The following PTPRM variants were observed in gnomAD, a reference collection of about 807,000 sequenced individuals.
The protein encoded by PTPRM is receptor-type tyrosine-protein phosphatase mu.
PTPRM carries 47 observed loss-of-function variants against 186.7 expected under a neutral mutation model. The ratio of observed to expected loss-of-function variants is 0.25; its 90% CI spans 0.20 to 0.32. The LOEUF (loss-of-function observed/expected upper bound fraction) is 0.32, where lower values mean the gene tolerates loss of function less well. PTPRM is among the 10% of genes least tolerant of loss of function. The probability of loss-of-function intolerance (pLI) is 1.00; values close to 1 mark genes in which losing one functional copy is unlikely to be tolerated. For missense variants in PTPRM, 1,494 were observed against 1,865.0 expected, an observed-to-expected ratio of 0.80 and a Z score of 3.66; for synonymous variants, 668 against 674.9, an observed-to-expected ratio of 0.99 and a Z score of 0.16.
intron 1 of PTPRM, among the ~76,000 whole-genome samples, chr18:7,588,235 T>C (rs150729930): frequency 6.6e-6 from 1 of 152,304 alleles, no homozygotes; most frequent in East Asian, 1.9e-4. Context: ...ACAGTAATTA[T>C]ATATATACTT....
intron 3 of PTPRM, among the ~76,000 whole-genome samples, chr18:7,900,746 G>C: frequency 6.6e-6 from 1 of 152,174 alleles, no homozygotes; most frequent in East Asian, 1.9e-4. Context: ...TCTTATCCCT[G>C]AAAGGGAGCT....
In PTPRM at chr18:7,887,393, C is replaced by T. The variant is rs369379725; in HGVS notation, c.197-713C>T. Among the ~76,000 whole-genome samples the T allele has an allele frequency of 1.7e-3, 261 of 152,242 alleles. 2 individuals carry two copies. The highest frequency in any genetic ancestry group is 6.0e-3 in the African/African-American group (251 of 41,540). ...TAGAATGATCGTCCTTCAGTTGGGA[C>T]AATGATTGCCTAAGTCATCACCTTG... On this transcript the variant is annotated intron_variant, in intron 2 of 32. Coordinates refer to ENST00000580170, the MANE Select transcript of PTPRM (RefSeq NM_001105244.2).
At chr18:7,878,141 T>G (rs371463435) in intron 2 of PTPRM, among the ~76,000 whole-genome samples, 3 of 152,224 alleles carry the variant, frequency 2.0e-5, no homozygotes, top group African/African-American at 7.2e-5. Flanking sequence ...ATAACTATTT[T>G]CCCAGACATC....
chr18:7,834,805 T>G (rs2045951846), intron 2 of PTPRM, among the ~76,000 whole-genome samples: 1 of 151,952 alleles, frequency 6.6e-6, no homozygotes. Flanking sequence ...ATTGGTCTGT[T>G]CAAGTTTTGA....
rs553950120 is a variant in PTPRM at position 7,642,489 on chromosome 18, T to C, written c.73+74598T>C. 8.5e-5 allele frequency among the ~76,000 whole-genome samples: 13 copies of C among 152,274 alleles called. No individual in the cohort carries two copies. In the South Asian group the frequency reaches 1.9e-3, roughly 22 times the overall value. ...GAGATAGAAGTTAGAAAATGGACTT[T>C]TTGAGGTCAGGAAGCTAAGCAACCA... On this transcript the variant is annotated intron_variant, in intron 1 of 32. Transcript: ENST00000580170.
intron 1 of PTPRM, among the ~76,000 whole-genome samples, chr18:7,595,080 C>G (rs1018892825): frequency 2.6e-5 from 4 of 152,124 alleles, no homozygotes; most frequent in African/African-American, 4.8e-5. Flanking sequence ...CAGTGACTTG[C>G]TAGGCCTGAT....
At chr18:7,900,740 A>G (rs888869518) in intron 3 of PTPRM, among the ~76,000 whole-genome samples, 2 of 152,254 alleles carry the variant, frequency 1.3e-5, no homozygotes, top group African/African-American at 4.8e-5. Flanking sequence ...AAGTCATCTT[A>G]TCCCTGAAAG....
chr18:7,852,353 G>A (rs1444087613), intron 2 of PTPRM, among the ~76,000 whole-genome samples: 1 of 152,030 alleles, frequency 6.6e-6, no homozygotes, highest in African/African-American at 2.4e-5. Flanking sequence ...GAGGTGGGAG[G>A]ATCGCTAGAG....
intron 19 of PTPRM, among the ~76,000 whole-genome samples, chr18:8,255,419 T>G (rs2094565479): frequency 6.6e-6 from 1 of 152,222 alleles, no homozygotes; most frequent in Non-Finnish European, 1.5e-5. Flanking sequence ...TCAGATCTTT[T>G]GAATAAATAT....
At chr18:8,216,449 A>T (rs1208312583) in intron 14 of PTPRM, among the ~76,000 whole-genome samples, 1 of 152,242 alleles carries the variant, frequency 6.6e-6, no homozygotes, top group Non-Finnish European at 1.5e-5. Flanking sequence ...CAGTTCAGAT[A>T]TGTAAAACTT....
In PTPRM at chr18:8,244,094, C is replaced by T. The variant is rs1228827306; in HGVS notation, c.2337C>T (p.Ser779=). The change falls in exon 15 of 33, where the codon AGC becomes AGT. Residue 779 remains serine (S), a synonymous_variant. Transcript: ENST00000580170. ...AGAAGCGGAAAGAGACCATGAGCAG[C>T]ACCCGACAGGAGATGACTGTGATGG... The part of the protein sequence containing the change: ...LAKKRKETMS[S]TRQEMTVMVN... 6.2e-7 allele frequency: 1 copy of T among 1,609,524 alleles called. No homozygotes were observed.
intron 1 of PTPRM, among the ~76,000 whole-genome samples, chr18:7,710,919 A>T (rs1171862344): frequency 6.6e-6 from 1 of 152,200 alleles, no homozygotes; most frequent in Non-Finnish European, 1.5e-5. Flanking sequence ...AACAAATGGA[A>T]ACACCCATGC....
chr18:7,579,194 C>T lies in PTPRM; in HGVS notation c.73+11303C>T, dbSNP rs79212282. On this transcript the variant is annotated intron_variant, in intron 1 of 32. Transcript: ENST00000580170. The stretch of plus-strand genomic sequence containing the variant: ...GGCATCATGAAAAGCCAGCACTGCT[C>T]GGTGCCATGGAAGGCCCTGCATCCT... Among the ~76,000 whole-genome samples, 1,075 of 152,318 alleles carry T rather than the reference C, an allele frequency of 7.1e-3. 11 individuals carry two copies. The highest frequency in any genetic ancestry group is 0.01 in the Non-Finnish European group (692 of 68,034).
intron 1 of PTPRM, among the ~76,000 whole-genome samples, chr18:7,761,244 A>G (rs891281456): frequency 1.3e-5 from 2 of 152,230 alleles, no homozygotes; most frequent in Admixed American, 6.5e-5. Context: ...AAAAATTAAT[A>G]AGGAAAAATT....
chr18:7,924,554 G>C (rs2051059674), intron 4 of PTPRM, among the ~76,000 whole-genome samples: 1 of 152,166 alleles, frequency 6.6e-6, no homozygotes, highest in Admixed American at 6.5e-5. Flanking sequence ...TCAGATGAGA[G>C]TGAGAGAGTA....
intron 2 of PTPRM, among the ~76,000 whole-genome samples, chr18:7,785,892 T>TA (rs1473568876): frequency 6.6e-6 from 1 of 152,232 alleles, no homozygotes; most frequent in Non-Finnish European, 1.5e-5. Context: ...GTGTCTCAAA[T>TA]ATAAAGATTC....
intron 7 of PTPRM, among the ~76,000 whole-genome samples, chr18:8,003,466 A>G (rs1249753511): frequency 6.6e-6 from 1 of 152,222 alleles, no homozygotes; most frequent in Non-Finnish European, 1.5e-5. Context: ...CATTTCCAGT[A>G]TAGACAACAG....
intron 14 of PTPRM, among the ~76,000 whole-genome samples, chr18:8,145,515 C>T (rs1212761965): frequency 1.3e-5 from 2 of 152,154 alleles, no homozygotes; most frequent in Non-Finnish European, 2.9e-5. Flanking sequence ...ATGTTCCCCT[C>T]CCTGTGTCCA....
intron 1 of PTPRM, among the ~76,000 whole-genome samples, chr18:7,762,298 T>C (rs928309791): frequency 6.6e-6 from 1 of 151,708 alleles, no homozygotes; most frequent in South Asian, 2.1e-4. Context: ...ATTTGAAAAG[T>C]GTGCAAGAGT....
Sources: allele counts gnomAD v4.1 joint callset (sites outside exome capture counted in the v4.1 genomes callset), GRCh38; gene constraint gnomAD v4.1.1; transcripts MANE v1.5; gene names NCBI Gene and HGNC (gene_info 2026-07-23, HGNC 2026-07-21).